The following STOM variants were observed in gnomAD, a reference collection of about 807,000 sequenced individuals.
The protein encoded by STOM is stomatin.
In STOM, 25 loss-of-function variants were observed where a neutral mutation model predicts 30.6. That is an observed-to-expected ratio of 0.82 (90% confidence interval 0.60 to 1.14). STOM has a LOEUF of 1.14. Among genes scored for constraint, STOM ranks in the 50% most tolerant of loss-of-function variants. The probability of loss-of-function intolerance (pLI) is 0.00; values close to 1 mark genes in which losing one functional copy is unlikely to be tolerated. For missense variants in STOM, 292 were observed against 365.2 expected, an observed-to-expected ratio of 0.80 and a Z score of 1.63; for synonymous variants, 118 against 130.8, an observed-to-expected ratio of 0.90 and a Z score of 0.67.
rs2064239471 is a variant in STOM, at chr9:121,340,804, G to A, written c.*398C>T. ...GGTAAGGCACATATGACCTGGAGAA[G>A]CTGGTTGTGGTGTAAGGTCATCACT... On this transcript the variant is annotated 3_prime_UTR_variant, in exon 7 of 7. Coordinates refer to ENST00000286713, the MANE Select transcript of STOM (RefSeq NM_004099.6). The A allele has an allele frequency of 9.8e-7, 1 of 1,018,376 alleles. No homozygotes were observed. The highest frequency in any genetic ancestry group is 1.7e-5 in the African/African-American group (1 of 58,082). The allele number at this position is 1,018,376 out of a possible 1,614,324, so 63.1% of individuals were successfully genotyped here. A position where few individuals can be genotyped will look rare whatever the true frequency, so the allele number is the denominator to read the frequency against.
intron 3 of STOM, among the ~76,000 whole-genome samples, chr9:121,353,518 C>T (rs1255158542): frequency 6.6e-6 from 1 of 152,212 alleles, no homozygotes; most frequent in African/African-American, 2.4e-5. Context: ...CCTTAATCTA[C>T]TGTTGCTATC....
intron 6 of STOM, among the ~76,000 whole-genome samples, chr9:121,344,983 C>T (rs2064277340): frequency 1.3e-5 from 2 of 152,200 alleles, no homozygotes; most frequent in Admixed American, 1.3e-4. Context: ...TGACCGGCTT[C>T]TTTCACTCAA....
At chr9:121,342,518 T>C (rs2064255701) in intron 6 of STOM, among the ~76,000 whole-genome samples, 1 of 152,032 alleles carries the variant, frequency 6.6e-6, no homozygotes, top group Non-Finnish European at 1.5e-5. Flanking sequence ...CATGACAAAA[T>C]GTATGTTAGG....
chr9:121,344,964 C>G (rs1295171655), intron 6 of STOM, among the ~76,000 whole-genome samples: 3 of 152,186 alleles, frequency 2.0e-5, no homozygotes, highest in South Asian at 4.1e-4. Context: ...GAGAATCTGT[C>G]CTCTTCTGTG....
intron 1 of STOM, among the ~76,000 whole-genome samples, chr9:121,362,326 T>A (rs2064461570): frequency 6.6e-6 from 1 of 152,204 alleles, no homozygotes; most frequent in African/African-American, 2.4e-5. Context: ...CTAGCCTGTA[T>A]TTTTTCAATA....
chr9:121,363,776 G>T (rs945838792), intron 1 of STOM, among the ~76,000 whole-genome samples: 1 of 152,192 alleles, frequency 6.6e-6, no homozygotes, highest in African/African-American at 2.4e-5. Context: ...TTTATTTGAG[G>T]AGGAAGACTT....
At chr9:121,356,425 G>A (rs1012072286) in intron 1 of STOM, among the ~76,000 whole-genome samples, 5 of 152,180 alleles carry the variant, frequency 3.3e-5, no homozygotes, top group African/African-American at 1.2e-4. Flanking sequence ...TAGGCCCTCT[G>A]CTTTGTACTG....
At chr9:121,348,281 A>T in intron 5 of STOM, 132 bp from the exon 6 acceptor site, 1 of 1,296,064 alleles carries the variant, frequency 7.7e-7, no homozygotes, top group Non-Finnish European at 1.1e-6. Context: ...CCCACGGTGG[A>T]ACGAATGGTG....
chr9:121,346,314 C>A (rs137943851), intron 6 of STOM, among the ~76,000 whole-genome samples: 1 of 152,300 alleles, frequency 6.6e-6, no homozygotes, highest in African/African-American at 2.4e-5. Context: ...TTAGAGCTAA[C>A]TCTAAGCAGT....
intron 1 of STOM, among the ~76,000 whole-genome samples, chr9:121,357,499 GCA>G (rs1345118277): frequency 3.5e-5 from 5 of 143,310 alleles, no homozygotes; most frequent in Non-Finnish European, 7.6e-5. Context: ...GAGTGCAGCA[GCA>G]CAGTCTCACC....
Position 121,349,174 on chromosome 9 carries a change from G to C in STOM, c.471C>G (p.Thr157=). 6.2e-7 allele frequency: 1 copy of C among 1,614,136 alleles called. No homozygotes were observed. Among genetic ancestry groups the C allele is most frequent in the Non-Finnish European group, 8.5e-7 (1 of 1,180,026 alleles). ...AQTTLRNVLG[T]KNLSQILSDR... is the part of the protein sequence containing the mutation. Reference sequence around the variant, plus strand: ...CAGAGAGGATCTGAGAAAGATTCTTGGTGCCCAGAACATTCCTCAGAGTAG... The same window carrying C: ...CAGAGAGGATCTGAGAAAGATTCTTCGTGCCCAGAACATTCCTCAGAGTAG... Residue 157 remains threonine (T), a synonymous_variant, in exon 5 of 7, where the codon ACC becomes ACG. Coordinates refer to ENST00000286713, the MANE Select transcript of STOM (RefSeq NM_004099.6).
intron 1 of STOM, among the ~76,000 whole-genome samples, chr9:121,359,374 G>C (rs1160752946): frequency 6.6e-6 from 1 of 152,212 alleles, no homozygotes; most frequent in African/African-American, 2.4e-5. Flanking sequence ...CTGTGTTATA[G>C]TGTGAGGTAA....
At chr9:121,342,091 T>C (rs1323622317) in intron 6 of STOM, among the ~76,000 whole-genome samples, 1 of 152,192 alleles carries the variant, frequency 6.6e-6, no homozygotes, top group Non-Finnish European at 1.5e-5. Context: ...CTTCTGGTAC[T>C]GGGTGCAGTG....
intron 1 of STOM, among the ~76,000 whole-genome samples, chr9:121,363,420 A>G (rs1209249801): frequency 6.6e-6 from 1 of 152,208 alleles, no homozygotes; most frequent in East Asian, 1.9e-4. Context: ...ATGATTCTTC[A>G]TCAGTGATTC....
chr9:121,355,248 AAATAAT>A (rs1554830893), intron 2 of STOM, among the ~76,000 whole-genome samples: 120 of 131,148 alleles, frequency 9.1e-4, no homozygotes, highest in Non-Finnish European at 9.8e-4. Flanking sequence ...AAAAAAAAAA[AAATAAT>A]AATAATAATA....
At position 121,339,166 on chromosome 9, in the gene STOM, C is replaced by A. The variant is rs2064224661; in HGVS notation, c.*2036G>T. ...CTGCACTGGCACTGTGTTCCTAGAG[C>A]TCCTTCTATGCGTCCCTCCCAAGTG... On this transcript the variant is annotated 3_prime_UTR_variant, in exon 7 of 7. Transcript: ENST00000286713. 6.6e-6 allele frequency: 1 copy of A among 152,540 alleles called. No individual in the cohort carries two copies. Among genetic ancestry groups the A allele is most frequent in the South Asian group, 2.1e-4 (1 of 4,834 alleles). 9.4% of individuals were successfully genotyped at this position (152,540 alleles called of 1,614,324 possible).
In STOM at chr9:121,339,216, C is replaced by T. The variant is rs951492851; in HGVS notation, c.*1986G>A. Reference sequence around the variant, plus strand: ...GATTTAATTTCAGCTGATTGGACTACGAATTCACAAGGCAGAAAAGTCAAG... The same window carrying T: ...GATTTAATTTCAGCTGATTGGACTATGAATTCACAAGGCAGAAAAGTCAAG... On this transcript the variant is annotated 3_prime_UTR_variant, in exon 7 of 7. Coordinates refer to ENST00000286713, the MANE Select transcript of STOM (RefSeq NM_004099.6). The T allele has an allele frequency of 1.9e-4, 30 of 154,464 alleles. No individual in the cohort carries two copies. The highest frequency in any genetic ancestry group is 3.7e-4 in the Non-Finnish European group (26 of 69,716). 9.6% of individuals were successfully genotyped at this position (154,464 alleles called of 1,614,324 possible).
At chr9:121,368,547 A>G (rs921192525) in intron 1 of STOM, among the ~76,000 whole-genome samples, 33 of 152,266 alleles carry the variant, frequency 2.2e-4, no homozygotes, top group African/African-American at 8.0e-4. Context: ...TAAGTAATTT[A>G]ACTTCTTTGA....
intron 6 of STOM, among the ~76,000 whole-genome samples, chr9:121,342,942 G>A (rs1009339079): frequency 7.2e-5 from 11 of 152,268 alleles, no homozygotes; most frequent in South Asian, 6.2e-4. Flanking sequence ...TTTACCAGCC[G>A]AATGTCCTCA....
Sources: allele counts gnomAD v4.1 joint callset (sites outside exome capture counted in the v4.1 genomes callset), GRCh38; gene constraint gnomAD v4.1.1; transcripts MANE v1.5; gene names NCBI Gene and HGNC (gene_info 2026-07-23, HGNC 2026-07-21).